The following RDX variants were observed in gnomAD, a reference collection of about 807,000 sequenced individuals.
RDX encodes deafness, autosomal recessive 24.
In RDX, 32 loss-of-function variants were observed where a neutral mutation model predicts 83.7. The observed-to-expected ratio is 0.38, with a 90% confidence interval of 0.29 to 0.51. The LOEUF (loss-of-function observed/expected upper bound fraction) is 0.51, where lower values mean the gene tolerates loss of function less well. RDX is among the 20% of genes least tolerant of loss of function. RDX has a pLI of 0.87. For synonymous variants in RDX, 229 were observed against 222.7 expected (o/e 1.03, Z -0.25); for missense variants, 600 against 689.9 (o/e 0.87, Z 1.46).
intron 14 of RDX, among the ~76,000 whole-genome samples, chr11:110,223,290 T>A (rs1591123857): frequency 6.6e-6 from 1 of 151,868 alleles, no homozygotes; most frequent in Admixed American, 6.6e-5. Flanking sequence ...GAGGTGGAGC[T>A]TGCAGTGAGC....
intron 14 of RDX, among the ~76,000 whole-genome samples, chr11:110,208,423 C>T (rs1367748831): frequency 2.6e-5 from 4 of 152,154 alleles, no homozygotes. Flanking sequence ...TAAAACTCAC[C>T]AAGAGCCTTC....
Position 110,288,719 on chromosome 11 carries a change from T to G in RDX, c.-65+7748A>C, listed in dbSNP as rs570694158. The stretch of plus-strand genomic sequence containing the variant: ...AATTAAGCTTCTAATTTTCTAGATA[T>G]TAACTCCCTTTTTTGAAAAACTGAT... On this transcript the variant is annotated intron_variant, in intron 1 of 13. Coordinates refer to ENST00000645495, the MANE Select transcript of RDX (RefSeq NM_002906.4). 5.9e-5 allele frequency among the ~76,000 whole-genome samples: 9 copies of G among 152,360 alleles called. No individual in the cohort carries two copies. The South Asian group carries it at 1.9e-3, about 32-fold the overall frequency.
chr11:110,287,273 G>A (rs940138642), intron 1 of RDX: 1 of 152,046 alleles, frequency 6.6e-6, no homozygotes, highest in South Asian at 2.1e-4. Flanking sequence ...TATTCTAAAG[G>A]GTCACTTGAA....
chr11:110,235,826 T>C (rs964574163), intron 12 of RDX, among the ~76,000 whole-genome samples: 2 of 152,192 alleles, frequency 1.3e-5, no homozygotes, highest in Admixed American at 6.5e-5. Context: ...ATCCCAATCT[T>C]TTGTACCCCC....
downstream of RDX, chr11:110,229,305 AGAGTAGATCTAT>A (rs1864535984): frequency 6.6e-6 from 1 of 152,318 alleles, no homozygotes; most frequent in African/African-American, 2.4e-5. Context: ...TATCGGGGAA[AGAGTAGATCTAT>A]GAGGATTTAA....
chr11:110,268,771 G>GTT (rs111649113), intron 3 of RDX, among the ~76,000 whole-genome samples: 6 of 148,596 alleles, frequency 4.0e-5, no homozygotes, highest in Non-Finnish European at 4.5e-5. Context: ...CTCCTAGAAT[G>GTT]TTTTTTTTTT....
At chr11:110,273,151 T>TCAA in intron 2 of RDX, 1 of 451,882 alleles carries the variant, frequency 2.2e-6, no homozygotes, top group South Asian at 1.6e-5. Context: ...GTTTGAGGGC[T>TCAA]GCCGTGAGCT....
At chr11:110,251,971 G>A (rs1301183657) in intron 9 of RDX, among the ~76,000 whole-genome samples, 1 of 152,124 alleles carries the variant, frequency 6.6e-6, no homozygotes, top group African/African-American at 2.4e-5. Context: ...ATTCTCCCAG[G>A]TATATCTGCT....
chr11:110,205,162 T>C (rs906529253), intron 14 of RDX, among the ~76,000 whole-genome samples: 1 of 152,102 alleles, frequency 6.6e-6, no homozygotes, highest in Non-Finnish European at 1.5e-5. Flanking sequence ...TTAAATAAAG[T>C]ATCAAGACAA....
At chr11:110,263,817 G>A in intron 5 of RDX, 143 bp downstream of exon 5, 3 of 692,878 alleles carry the variant, frequency 4.3e-6, no homozygotes, top group Non-Finnish European at 7.1e-6. Flanking sequence ...GCAGTGGGCT[G>A]AGATCACGCC....
chr11:110,197,901 C>T (rs554396316), intron 15 of RDX, among the ~76,000 whole-genome samples: 1 of 152,298 alleles, frequency 6.6e-6, no homozygotes, highest in South Asian at 2.1e-4. Flanking sequence ...TGTGTCGTAG[C>T]ATTTCAAGTG....
chr11:110,281,155 A>G (rs1200385744), intron 1 of RDX, among the ~76,000 whole-genome samples: 1 of 152,178 alleles, frequency 6.6e-6, no homozygotes, highest in Non-Finnish European at 1.5e-5. Flanking sequence ...ACAGAGCAAC[A>G]CTGTGTTTCT....
At chr11:110,274,941 A>G (rs1321900581) in intron 2 of RDX, among the ~76,000 whole-genome samples, 2 of 152,222 alleles carry the variant, frequency 1.3e-5, no homozygotes. Flanking sequence ...ATTCTTGAGT[A>G]ATGAAGTGTG....
At chr11:110,213,189 C>A (rs570050375) in intron 14 of RDX, among the ~76,000 whole-genome samples, 196 of 151,774 alleles carry the variant, frequency 1.3e-3, no homozygotes, top group African/African-American at 4.3e-3. Flanking sequence ...TTCTTATACA[C>A]CAACAACAGA....
At chr11:110,265,109 G>GTTT (rs71053876) in intron 3 of RDX, among the ~76,000 whole-genome samples, 30 of 90,686 alleles carry the variant, frequency 3.3e-4, no homozygotes, top group Admixed American at 4.8e-4. Flanking sequence ...TTTTTTTTTT[G>GTTT]TTTTTTTTTT....
At chr11:110,278,501 CTAAG>C (rs1860606448) in intron 2 of RDX, among the ~76,000 whole-genome samples, 1 of 151,982 alleles carries the variant, frequency 6.6e-6, no homozygotes, top group African/African-American at 2.4e-5. Context: ...ACATTTATTA[CTAAG>C]TGTGTCATGT....
In RDX at chr11:110,267,637, T is replaced by C. The variant is rs183467865; in HGVS notation, c.97-2763A>G. On this transcript the variant is annotated intron_variant, in intron 3 of 13. Coordinates refer to ENST00000645495, the MANE Select transcript of RDX (RefSeq NM_002906.4). ...TGAACCCTTCCATTTACTTTCCCAC[T>C]CTTGAAAATTTTCACTGAAATGACA... is the stretch of plus-strand genomic sequence containing the variant. Among the ~76,000 whole-genome samples, 199 of 151,410 alleles carry C rather than the reference T, an allele frequency of 1.3e-3. 5 individuals carry two copies. Among genetic ancestry groups the C allele is most frequent in the Admixed American group, 0.012 (190 of 15,206 alleles).
At chr11:110,277,524 T>C (rs1178295929) in intron 2 of RDX, among the ~76,000 whole-genome samples, 1 of 152,166 alleles carries the variant, frequency 6.6e-6, no homozygotes, top group Non-Finnish European at 1.5e-5. Flanking sequence ...TTCACCATGT[T>C]GGCCAGGCTG....
chr11:110,276,537 T>C (rs371768764), intron 2 of RDX, among the ~76,000 whole-genome samples: 3 of 152,188 alleles, frequency 2.0e-5, no homozygotes, highest in Non-Finnish European at 2.9e-5. Context: ...TATGATTTAG[T>C]ATTGGAACAA....
Sources: gnomAD v4.1 joint callset for allele counts (sites outside exome capture counted in the v4.1 genomes callset) on GRCh38, gnomAD v4.1.1 for gene constraint, MANE v1.5 for transcripts, NCBI Gene and HGNC (gene_info 2026-07-23, HGNC 2026-07-21) for gene names.